Variants in CDH13 observed in about 807,000 individuals in gnomAD.
The protein encoded by CDH13 is cadherin-13.
A neutral mutation model predicts 63.8 loss-of-function variants in CDH13; 24 were observed. The ratio of observed to expected loss-of-function variants is 0.38; its 90% confidence interval spans 0.27 to 0.53. CDH13 has a LOEUF of 0.53. Ranked by LOEUF, CDH13 falls within the 20% of genes least tolerant of loss-of-function variation. The pLI is 0.85. For missense variants in CDH13, 1,049 were observed against 903.1 expected (o/e 1.16, Z -2.07); for synonymous variants, 503 against 355.3 (o/e 1.42, Z -4.67).
intron 1 of CDH13, among the ~76,000 whole-genome samples, chr16:82,811,936 G>C (rs1184595554): frequency 6.6e-6 from 1 of 152,088 alleles, no homozygotes; most frequent in Non-Finnish European, 1.5e-5. Flanking sequence ...TGCCTTTTGA[G>C]TATCATGGAA....
intron 2 of CDH13, among the ~76,000 whole-genome samples, chr16:83,027,070 C>T (rs1420382917): frequency 4.0e-5 from 6 of 150,790 alleles, no homozygotes; most frequent in African/African-American, 7.3e-5. Flanking sequence ...ACAGCCTTGT[C>T]GGCAGCCTCT....
intron 6 of CDH13, among the ~76,000 whole-genome samples, chr16:83,425,406 C>T (rs747982666): frequency 6.6e-6 from 1 of 152,246 alleles, no homozygotes. Context: ...CTTGAACCAG[C>T]CACTTACCTG....
rs574497916 is a variant in CDH13 at position 83,403,208 on chromosome 16, G to C, written c.781+58202G>C. Among the ~76,000 whole-genome samples, 4 of 152,208 alleles carry C rather than the reference G, an allele frequency of 2.6e-5. No homozygotes were observed. In the South Asian group the frequency reaches 8.3e-4, roughly 32 times the overall value. On this transcript the variant is annotated intron_variant, in intron 6 of 13. Transcript: ENST00000567109. The stretch of plus-strand genomic sequence containing the variant: ...AGGTTAGTGTTTTGGAGAAAAATGG[G>C]CTCTTTAGGACAGATTAGCAAAGCA...
intron 13 of CDH13, 94 bp downstream of exon 13, chr16:83,783,566 A>C: frequency 1.1e-6 from 1 of 933,600 alleles, no homozygotes; most frequent in Non-Finnish European, 1.7e-6. Flanking sequence ...CTTTCCAAGA[A>C]GATGTTTCCC....
At chr16:83,140,485 C>G (rs990251376) in intron 4 of CDH13, among the ~76,000 whole-genome samples, 10 of 152,090 alleles carry the variant, frequency 6.6e-5, no homozygotes, top group Admixed American at 3.9e-4. Context: ...TGGAGTCGTG[C>G]TCTTCTTGCC....
chr16:82,976,487 C>G (rs1013225475), intron 2 of CDH13, among the ~76,000 whole-genome samples: 1 of 152,098 alleles, frequency 6.6e-6, no homozygotes, highest in African/African-American at 2.4e-5. Context: ...TCCAGTTATC[C>G]TCATCATAGA....
intron 1 of CDH13, chr16:82,727,763 A>C (rs76789636): frequency 0.046 from 6,984 of 152,270 alleles, 223 homozygotes; most frequent in Non-Finnish European, 0.07. Context: ...TCAGTTTCCA[A>C]AGTTCTTCGT....
intron 1 of CDH13, among the ~76,000 whole-genome samples, chr16:82,856,426 G>T (rs953581575): frequency 1.3e-5 from 2 of 150,214 alleles, no homozygotes; most frequent in African/African-American, 4.9e-5. Flanking sequence ...TACTAGCTGG[G>T]TGCAGTGGCT....
At chr16:82,758,434 C>T (rs397854722) in intron 1 of CDH13, among the ~76,000 whole-genome samples, 8 of 148,272 alleles carry the variant, frequency 5.4e-5, no homozygotes, top group African/African-American at 1.5e-4. Flanking sequence ...ATACCCCCCC[C>T]CCTTTGCTTT....
intron 5 of CDH13, among the ~76,000 whole-genome samples, chr16:83,250,404 A>G (rs1301234703): frequency 6.6e-6 from 1 of 152,206 alleles, no homozygotes; most frequent in Non-Finnish European, 1.5e-5. Context: ...TAGGGAAGAT[A>G]GGATAAAAAA....
intron 7 of CDH13, among the ~76,000 whole-genome samples, chr16:83,562,628 C>T (rs770646395): frequency 7.2e-5 from 11 of 152,128 alleles, no homozygotes; most frequent in Non-Finnish European, 1.2e-4. Context: ...TGTCTTTGTT[C>T]TTCATGAACC....
At chr16:83,261,249 G>A (rs1411218241) in intron 5 of CDH13, among the ~76,000 whole-genome samples, 1 of 152,156 alleles carries the variant, frequency 6.6e-6, no homozygotes, top group African/African-American at 2.4e-5. Context: ...GGCTTTGAGA[G>A]GAAGGTAAGT....
At chr16:82,832,156 A>G (rs2038568414) in intron 1 of CDH13, among the ~76,000 whole-genome samples, 1 of 152,240 alleles carries the variant, frequency 6.6e-6, no homozygotes. Flanking sequence ...TAAATGCATT[A>G]AGAGTCAAGG....
At chr16:83,056,809 G>A (rs1344426611) in intron 3 of CDH13, among the ~76,000 whole-genome samples, 4 of 151,718 alleles carry the variant, frequency 2.6e-5, no homozygotes, top group Admixed American at 2.0e-4. Context: ...AGTCTCACGA[G>A]ATTTGATGGT....
chr16:83,186,251 G>T (rs907686258), intron 4 of CDH13, among the ~76,000 whole-genome samples: 3 of 151,814 alleles, frequency 2.0e-5, no homozygotes, highest in African/African-American at 7.3e-5. Flanking sequence ...CAATTCTCCC[G>T]ACTCAGCCTC....
intron 5 of CDH13, among the ~76,000 whole-genome samples, chr16:83,229,181 G>T (rs2039933690): frequency 6.6e-6 from 1 of 152,104 alleles, no homozygotes; most frequent in Non-Finnish European, 1.5e-5. Flanking sequence ...ATTTCAAGAA[G>T]ATAAGATTTA....
At chr16:83,449,498 C>G (rs999824562) in intron 6 of CDH13, among the ~76,000 whole-genome samples, 1 of 152,196 alleles carries the variant, frequency 6.6e-6, no homozygotes, top group Non-Finnish European at 1.5e-5. Flanking sequence ...GGAAATATCA[C>G]TCGGTGAATC....
chr16:82,976,160 G>A (rs1291983754), intron 2 of CDH13, among the ~76,000 whole-genome samples: 1 of 152,182 alleles, frequency 6.6e-6, no homozygotes, highest in Non-Finnish European at 1.5e-5. Flanking sequence ...GATGACTCAG[G>A]AGACAGTCAA....
intron 7 of CDH13, among the ~76,000 whole-genome samples, chr16:83,555,952 A>C (rs1403105667): frequency 3.3e-5 from 5 of 152,208 alleles, no homozygotes; most frequent in Non-Finnish European, 7.3e-5. Context: ...GGCTCATTAG[A>C]GATAGACAAA....
Sources: allele counts gnomAD v4.1 joint callset (sites outside exome capture counted in the v4.1 genomes callset), GRCh38; gene constraint gnomAD v4.1.1; transcripts MANE v1.5; gene names NCBI Gene and HGNC (gene_info 2026-07-23, HGNC 2026-07-21).